RARB: variants seen among roughly 807,000 people sequenced by gnomAD.
RARB encodes the protein retinoic acid receptor beta, also known as HBV-activated protein.
In RARB, 17 loss-of-function variants were observed where a neutral mutation model predicts 51.9. The ratio of observed to expected loss-of-function variants is 0.33; its 90% CI spans 0.22 to 0.49. RARB has a LOEUF of 0.49. RARB is among the 20% of genes least tolerant of loss of function. The pLI, the probability that RARB is intolerant of heterozygous loss-of-function variation, is 0.99. For missense variants in RARB, 369 were observed against 550.8 expected, an observed-to-expected ratio of 0.67 and a Z score of 3.30; for synonymous variants, 215 against 195.4, an observed-to-expected ratio of 1.10 and a Z score of -0.84.
chr3:25,536,012 A>G (rs1458411123), intron 3 of RARB, among the ~76,000 whole-genome samples: 2 of 152,192 alleles, frequency 1.3e-5, no homozygotes, highest in Non-Finnish European at 2.9e-5. Context: ...GAAAGCTATT[A>G]GCGAAGGTGA....
At chr3:25,328,168 T>C (rs1457542274) in intron 5 of RARB, among the ~76,000 whole-genome samples, 1 of 152,250 alleles carries the variant, frequency 6.6e-6, no homozygotes, top group Non-Finnish European at 1.5e-5. Flanking sequence ...TATTAAGGAA[T>C]GGCAATACAA....
At chr3:25,051,893 T>C (rs892450942) in intron 2 of RARB, among the ~76,000 whole-genome samples, 1 of 152,200 alleles carries the variant, frequency 6.6e-6, no homozygotes, top group African/African-American at 2.4e-5. Flanking sequence ...ATGGATTCTG[T>C]GTGAAAAGAC....
At chr3:25,323,037 G>A (rs1276489351) in intron 5 of RARB, among the ~76,000 whole-genome samples, 1 of 152,134 alleles carries the variant, frequency 6.6e-6, no homozygotes, top group African/African-American at 2.4e-5. Flanking sequence ...GATCCAAAAG[G>A]GCCTCACCTA....
intron 5 of RARB, among the ~76,000 whole-genome samples, chr3:25,373,075 GCT>G (rs1263919757): frequency 6.6e-6 from 1 of 152,178 alleles, no homozygotes; most frequent in African/African-American, 2.4e-5. Context: ...AAAGGCACAT[GCT>G]CTGATTTGGA....
chr3:25,098,473 T>C (rs933079119), intron 3 of RARB, among the ~76,000 whole-genome samples: 8 of 152,190 alleles, frequency 5.3e-5, no homozygotes, highest in African/African-American at 1.9e-4. Context: ...AATTCCTACC[T>C]GTGTAATATT....
At chr3:25,255,313 G>A (rs551115571) in intron 5 of RARB, among the ~76,000 whole-genome samples, 11 of 152,232 alleles carry the variant, frequency 7.2e-5, no homozygotes, top group East Asian at 5.8e-4. Context: ...AGTGACTAGC[G>A]GTAAGTGATC....
intron 5 of RARB, among the ~76,000 whole-genome samples, chr3:25,178,414 T>A (rs975128921): frequency 6.6e-6 from 1 of 152,142 alleles, no homozygotes. Context: ...ATAGCCTCGA[T>A]GTCACTGCCA....
At chr3:25,146,178 G>A (rs1700185566) in intron 4 of RARB, among the ~76,000 whole-genome samples, 1 of 152,084 alleles carries the variant, frequency 6.6e-6, no homozygotes, top group Non-Finnish European at 1.5e-5. Flanking sequence ...GAAGATTAAG[G>A]AGCTAATAGA....
At chr3:25,578,018 C>G (rs1326296833) in intron 4 of RARB, among the ~76,000 whole-genome samples, 1 of 152,214 alleles carries the variant, frequency 6.6e-6, no homozygotes. Flanking sequence ...GGCTGTTTTC[C>G]TCATCAGCCT....
chr3:24,949,511 G>C (rs752869214), intron 2 of RARB, among the ~76,000 whole-genome samples: 1 of 152,154 alleles, frequency 6.6e-6, no homozygotes, highest in East Asian at 1.9e-4. Flanking sequence ...TCACATTTAC[G>C]TTTTTATGCT....
At chr3:25,143,374 C>T (rs1700139478) in intron 4 of RARB, among the ~76,000 whole-genome samples, 1 of 152,054 alleles carries the variant, frequency 6.6e-6, no homozygotes, top group Non-Finnish European at 1.5e-5. Flanking sequence ...GCTGTTTTTC[C>T]CAAAAAACCC....
chr3:24,967,886 A>T (rs1391124269), intron 2 of RARB, among the ~76,000 whole-genome samples: 1 of 152,160 alleles, frequency 6.6e-6, no homozygotes, highest in East Asian at 1.9e-4. Context: ...TCCAATTGTA[A>T]TTGTAACTGT....
intron 2 of RARB, among the ~76,000 whole-genome samples, chr3:24,993,303 A>C (rs969457194): frequency 6.6e-6 from 1 of 152,158 alleles, no homozygotes; most frequent in African/African-American, 2.4e-5. Flanking sequence ...CCAGAAGCAT[A>C]GTTTTAATTT....
At chr3:24,993,597 A>AAT (rs1474484585) in intron 2 of RARB, among the ~76,000 whole-genome samples, 3 of 152,138 alleles carry the variant, frequency 2.0e-5, no homozygotes, top group African/African-American at 7.2e-5. Flanking sequence ...AGTGGTATAG[A>AAT]ATACTGGAAT....
At chr3:25,073,325 G>T (rs774787940) in intron 3 of RARB, among the ~76,000 whole-genome samples, 1 of 152,142 alleles carries the variant, frequency 6.6e-6, no homozygotes, top group Non-Finnish European at 1.5e-5. Flanking sequence ...CCCTTAATGT[G>T]TTTGATCCCT....
At chr3:25,365,707 T>C (rs1476400910) in intron 5 of RARB, among the ~76,000 whole-genome samples, 1 of 152,194 alleles carries the variant, frequency 6.6e-6, no homozygotes, top group Non-Finnish European at 1.5e-5. Context: ...GCTAGGATAA[T>C]TCAAAGGTTG....
At chr3:25,158,589 G>A (rs1189398171) in intron 4 of RARB, among the ~76,000 whole-genome samples, 3 of 152,238 alleles carry the variant, frequency 2.0e-5, no homozygotes, top group African/African-American at 7.2e-5. Flanking sequence ...AATTTCAGAA[G>A]AAAGTCTAGT....
At chr3:25,525,451 A>G (rs938397027) in intron 3 of RARB, among the ~76,000 whole-genome samples, 1 of 151,994 alleles carries the variant, frequency 6.6e-6, no homozygotes, top group African/African-American at 2.4e-5. Flanking sequence ...TTTCACCTTC[A>G]TTGTCTTCAT....
At chr3:25,318,542 GC>G (rs1704485224) in intron 5 of RARB, among the ~76,000 whole-genome samples, 1 of 152,102 alleles carries the variant, frequency 6.6e-6, no homozygotes, top group African/African-American at 2.4e-5. Flanking sequence ...ATAATATTCT[GC>G]CCCTTCAGCT....
Sources: allele counts gnomAD v4.1 joint callset (sites outside exome capture counted in the v4.1 genomes callset), GRCh38; gene constraint gnomAD v4.1.1; transcripts MANE v1.5; gene names NCBI Gene and HGNC (gene_info 2026-07-23, HGNC 2026-07-21).